The following KCNIP4 variants were observed in gnomAD, a reference collection of about 807,000 sequenced individuals.
KCNIP4 encodes potassium voltage-gated channel interacting protein 4.
In KCNIP4, 12 loss-of-function variants were observed where a neutral mutation model predicts 34.0. The ratio of observed to expected loss-of-function variants is 0.35; its 90% CI spans 0.23 to 0.57. The LOEUF (loss-of-function observed/expected upper bound fraction) is 0.57. Among genes scored for constraint, KCNIP4 ranks in the 20% least tolerant of loss-of-function variants. The pLI is 0.83. For synonymous variants in KCNIP4, 124 were observed against 102.2 expected (o/e 1.21, Z -1.29); for missense variants, 238 against 311.7 (o/e 0.76, Z 1.78).
intron 1 of KCNIP4, among the ~76,000 whole-genome samples, chr4:21,388,653 T>C (rs1323064627): frequency 6.6e-6 from 1 of 152,104 alleles, no homozygotes. Context: ...TCTATCCTTT[T>C]AGCTATTACC....
At chr4:21,530,045 A>G (rs1315515607) in intron 1 of KCNIP4, among the ~76,000 whole-genome samples, 1 of 152,194 alleles carries the variant, frequency 6.6e-6, no homozygotes, top group Non-Finnish European at 1.5e-5. Context: ...AGTGCGCTGT[A>G]TACAGTCTAC....
At position 20,758,834 on chromosome 4, in the gene KCNIP4, G is replaced by A; in HGVS notation, c.345C>T (p.Phe115=). The A allele has an allele frequency of 6.2e-7, 1 of 1,612,948 alleles. No individual in the cohort carries two copies. Among genetic ancestry groups the A allele is most frequent in the Non-Finnish European group, 8.5e-7 (1 of 1,179,098 alleles). ...EETFKEIYSQ[F]FPQGDSTTYA... is the part of the protein sequence containing the mutation. ...ATTTGTACTTACCTCCCTGTGGAAA[G>A]AACTGCGAGTAAATCTCTTTGAAGG... is the stretch of plus-strand genomic sequence containing the variant. Residue 115 remains phenylalanine, a synonymous_variant, in exon 4 of 9, where the codon TTC becomes TTT. Coordinates refer to ENST00000382152, the MANE Select transcript of KCNIP4 (RefSeq NM_025221.6).
At chr4:21,912,582 G>C (rs1728397693) in intron 1 of KCNIP4, among the ~76,000 whole-genome samples, 2 of 152,116 alleles carry the variant, frequency 1.3e-5, no homozygotes, top group African/African-American at 2.4e-5. Context: ...GCTCAACAGT[G>C]AGGCGTCTAT....
chr4:21,923,973 C>T (rs1424350246), intron 1 of KCNIP4, among the ~76,000 whole-genome samples: 1 of 152,140 alleles, frequency 6.6e-6, no homozygotes, highest in Non-Finnish European at 1.5e-5. Context: ...TGTCATGGTG[C>T]CACAGAAGAG....
chr4:21,531,381 C>T (rs1256897986), intron 1 of KCNIP4, among the ~76,000 whole-genome samples: 1 of 134,218 alleles, frequency 7.5e-6, no homozygotes, highest in Non-Finnish European at 1.6e-5. Flanking sequence ...TCCTTCCTTC[C>T]TTTTTCTTTC....
Position 21,343,242 on chromosome 4 carries a change from C to G in KCNIP4, c.62-460533G>C, listed in dbSNP as rs141192398. On this transcript the variant is annotated intron_variant, in intron 1 of 8. Transcript: ENST00000382152. ...AGTCAATAAAAATGTACATAATGTA[C>G]TTGGAGTTAGATAGTAAATGAGGTC... 2.4e-3 allele frequency among the ~76,000 whole-genome samples: 368 copies of G among 151,876 alleles called. 1 individual carries two copies. The highest frequency in any genetic ancestry group is 7.4e-3 in the African/African-American group (308 of 41,382).
chr4:21,193,571 ATTTTTTT>A (rs71655619), intron 1 of KCNIP4, among the ~76,000 whole-genome samples: 1 of 119,238 alleles, frequency 8.4e-6, no homozygotes, highest in Non-Finnish European at 1.6e-5. Context: ...GCAATTTTAA[ATTTTTTT>A]TTTTTTTTTT....
intron 2 of KCNIP4, among the ~76,000 whole-genome samples, chr4:20,865,931 A>C (rs2149502511): frequency 6.6e-6 from 1 of 152,228 alleles, no homozygotes; most frequent in African/African-American, 2.4e-5. Context: ...CTATATGTAC[A>C]TCAAAACGTC....
intron 1 of KCNIP4, among the ~76,000 whole-genome samples, chr4:21,332,543 C>A (rs1715761836): frequency 6.6e-6 from 1 of 151,910 alleles, no homozygotes; most frequent in Admixed American, 6.6e-5. Flanking sequence ...CTGTAAATGG[C>A]ACTGTCCAAC....
At chr4:21,579,014 T>C (rs1422560213) in intron 1 of KCNIP4, among the ~76,000 whole-genome samples, 1 of 152,182 alleles carries the variant, frequency 6.6e-6, no homozygotes, top group African/African-American at 2.4e-5. Context: ...GCCTAAATTT[T>C]TTTCGTGGTT....
chr4:21,948,738 G>A lies in KCNIP4; in HGVS notation c.-107C>T, dbSNP rs1353819479. ...ACCGCCGCTCGGCCCGGGGGCGTCC[G>A]TGGCGCTGGGAGCGAGAGCTTCGGC... On this transcript the variant is annotated 5_prime_UTR_variant, in exon 1 of 9. It adds an upstream start codon to the 5' untranslated region. Coordinates refer to ENST00000382152, the MANE Select transcript of KCNIP4 (RefSeq NM_025221.6). 4 of 1,259,082 alleles carry A rather than the reference G, an allele frequency of 3.2e-6. No individual in the cohort carries two copies. Among genetic ancestry groups the A allele is most frequent in the Non-Finnish European group, 3.0e-6 (3 of 986,978 alleles). 78.0% of individuals were successfully genotyped at this position (1,259,082 alleles called of 1,614,324 possible). A position where few individuals can be genotyped will look rare whatever the true frequency, so the allele number is the denominator to read the frequency against.
At chr4:21,400,498 CCT>C (rs1419242627) in intron 1 of KCNIP4, among the ~76,000 whole-genome samples, 2,326 of 142,472 alleles carry the variant, frequency 0.016, 163 homozygotes, top group East Asian at 0.054. Context: ...CTCTCCCCTC[CCT>C]TCCCCTCCCT....
intron 1 of KCNIP4, among the ~76,000 whole-genome samples, chr4:21,753,052 C>T (rs924958493): frequency 6.6e-6 from 1 of 151,964 alleles, no homozygotes; most frequent in African/African-American, 2.4e-5. Context: ...AAGCTCATTT[C>T]TGTTTATCAG....
intron 1 of KCNIP4, among the ~76,000 whole-genome samples, chr4:21,670,882 T>C (rs1327605275): frequency 6.6e-6 from 1 of 152,010 alleles, no homozygotes; most frequent in Non-Finnish European, 1.5e-5. Flanking sequence ...GGTCTCGATC[T>C]CCTGACCTCG....
At chr4:21,362,823 C>T (rs1719364495) in intron 1 of KCNIP4, among the ~76,000 whole-genome samples, 1 of 152,066 alleles carries the variant, frequency 6.6e-6, no homozygotes, top group Non-Finnish European at 1.5e-5. Context: ...CTAGGTAGCC[C>T]TTATCCCGCC....
At chr4:21,416,036 A>G (rs1724927762) in intron 1 of KCNIP4, among the ~76,000 whole-genome samples, 5 of 152,240 alleles carry the variant, frequency 3.3e-5, no homozygotes, top group Admixed American at 2.0e-4. Flanking sequence ...CAGTCTCACC[A>G]TCAGAAGGCT....
At chr4:21,830,495 A>G (rs1004235898) in intron 1 of KCNIP4, among the ~76,000 whole-genome samples, 2 of 151,880 alleles carry the variant, frequency 1.3e-5, no homozygotes, top group East Asian at 3.9e-4. Flanking sequence ...GACCAACACA[A>G]TGAAACCCCG....
intron 3 of KCNIP4, among the ~76,000 whole-genome samples, chr4:20,770,171 T>C (rs552944435): frequency 7.3e-4 from 111 of 152,210 alleles, no homozygotes; most frequent in Admixed American, 1.4e-3. Context: ...GTCTTTTTTT[T>C]ACAATTATAC....
chr4:21,131,518 G>C (rs1577747959), intron 1 of KCNIP4, among the ~76,000 whole-genome samples: 2 of 152,288 alleles, frequency 1.3e-5, no homozygotes, highest in African/African-American at 2.4e-5. Context: ...ATTGAGGCAG[G>C]AGAACGGAGT....
Sources: allele counts gnomAD v4.1 joint callset (sites outside exome capture counted in the v4.1 genomes callset), GRCh38; gene constraint gnomAD v4.1.1; transcripts MANE v1.5; gene names NCBI Gene and HGNC (gene_info 2026-07-23, HGNC 2026-07-21).